Variants in AGBL1 observed in about 807,000 individuals in gnomAD.
AGBL1 encodes AGBL carboxypeptidase 1.
In AGBL1, 130 loss-of-function variants were observed where a neutral mutation model predicts 118.9. That is an observed-to-expected ratio of 1.09 (90% CI 0.95 to 1.26). The LOEUF is 1.26. Among genes scored for constraint, AGBL1 ranks in the 50% most tolerant of loss-of-function variants. The pLI, the probability that AGBL1 is intolerant of heterozygous loss-of-function variation, is 0.00. For synonymous variants in AGBL1, 555 were observed against 478.9 expected (o/e 1.16, Z -2.08); for missense variants, 1,584 against 1,298.1 (o/e 1.22, Z -3.38).
At chr15:86,380,912 G>T (rs2081105521) in intron 17 of AGBL1, among the ~76,000 whole-genome samples, 1 of 151,072 alleles carries the variant, frequency 6.6e-6, no homozygotes, top group Non-Finnish European at 1.5e-5. Flanking sequence ...ACTCTTTGTT[G>T]TTCTAATCCA....
At chr15:86,937,239 T>C (rs1448031526) in intron 23 of AGBL1, among the ~76,000 whole-genome samples, 2 of 152,238 alleles carry the variant, frequency 1.3e-5, no homozygotes, top group Non-Finnish European at 2.9e-5. Context: ...TGGAAAGCAG[T>C]ATGGTGATTC....
At chr15:86,382,732 A>G (rs1216687491) in intron 17 of AGBL1, among the ~76,000 whole-genome samples, 3 of 151,098 alleles carry the variant, frequency 2.0e-5, no homozygotes, top group East Asian at 1.9e-4. Context: ...CCCTCCTTCC[A>G]TTTCCTACCA....
At chr15:86,899,027 T>C (rs1315716243) in intron 22 of AGBL1, among the ~76,000 whole-genome samples, 1 of 152,128 alleles carries the variant, frequency 6.6e-6, no homozygotes, top group African/African-American at 2.4e-5. Flanking sequence ...ACCCAGCAAT[T>C]CCATTCCTGG....
chr15:86,672,720 G>A (rs1005301928), intron 21 of AGBL1, among the ~76,000 whole-genome samples: 3 of 145,152 alleles, frequency 2.1e-5, no homozygotes, highest in Non-Finnish European at 4.6e-5. Flanking sequence ...TCTTTAGAAA[G>A]TGATCTTTTC....
chr15:86,867,236 C>A (rs985557836), intron 22 of AGBL1, among the ~76,000 whole-genome samples: 5 of 152,048 alleles, frequency 3.3e-5, no homozygotes, highest in African/African-American at 1.2e-4. Flanking sequence ...TTTACTCAGC[C>A]CTCATTTTTT....
chr15:87,029,321 A>G (rs1361106746), downstream of AGBL1, among the ~76,000 whole-genome samples: 2 of 151,894 alleles, frequency 1.3e-5, no homozygotes, highest in East Asian at 3.9e-4. Flanking sequence ...TCCAGGGATC[A>G]CTTTCTGGAA....
At chr15:86,565,285 A>G (rs1005129584) in intron 21 of AGBL1, among the ~76,000 whole-genome samples, 1 of 152,096 alleles carries the variant, frequency 6.6e-6, no homozygotes, top group African/African-American at 2.4e-5. Flanking sequence ...GTCTTTGATG[A>G]TGGTGACGTA....
chr15:86,984,618 C>G (rs1371241586), intron 23 of AGBL1, among the ~76,000 whole-genome samples: 1 of 152,114 alleles, frequency 6.6e-6, no homozygotes. Context: ...CCCGCCTCAG[C>G]CTCCCAAAGT....
intron 21 of AGBL1, among the ~76,000 whole-genome samples, chr15:86,589,764 A>G (rs114473531): frequency 0.01 from 1,523 of 151,720 alleles, 35 homozygotes; most frequent in African/African-American, 0.035. Flanking sequence ...CATCCTATCT[A>G]TTAGTCTACT....
At chr15:86,752,119 G>T (rs983110526) in intron 22 of AGBL1, among the ~76,000 whole-genome samples, 4 of 152,032 alleles carry the variant, frequency 2.6e-5, no homozygotes, top group African/African-American at 4.8e-5. Flanking sequence ...AGGAGTTAAT[G>T]TACCACAGGT....
chr15:86,141,627 G>A (rs989439398), intron 1 of AGBL1, among the ~76,000 whole-genome samples: 1 of 152,060 alleles, frequency 6.6e-6, no homozygotes, highest in Non-Finnish European at 1.5e-5. Context: ...CCCCCGCCTG[G>A]GCAACAGAGC....
intron 1 of AGBL1, among the ~76,000 whole-genome samples, chr15:86,082,591 C>G (rs930340431): frequency 6.6e-6 from 1 of 152,238 alleles, no homozygotes; most frequent in South Asian, 2.1e-4. Context: ...TTAAGCATAT[C>G]ACCATTTCTG....
At chr15:86,741,003 G>A (rs907391306) in intron 22 of AGBL1, among the ~76,000 whole-genome samples, 3 of 151,974 alleles carry the variant, frequency 2.0e-5, no homozygotes, top group African/African-American at 7.3e-5. Flanking sequence ...ATGGAAGAAC[G>A]ACTGCTTACT....
chr15:86,564,397 T>G (rs2142294224), intron 21 of AGBL1, among the ~76,000 whole-genome samples: 1 of 152,306 alleles, frequency 6.6e-6, no homozygotes, highest in East Asian at 1.9e-4. Flanking sequence ...TGAAGCTTAG[T>G]TTGGCTGGAT....
chr15:86,594,869 A>G (rs2084384866), intron 21 of AGBL1, among the ~76,000 whole-genome samples: 1 of 152,178 alleles, frequency 6.6e-6, no homozygotes, highest in African/African-American at 2.4e-5. Flanking sequence ...CACTCTATTG[A>G]GGCCTTTATG....
At position 86,674,259 on chromosome 15, in the gene AGBL1, T is replaced by C; in HGVS notation, c.2995-14T>C. ...TTATACGTTGCCACAGTTAATGCTT[T>C]GTTTAACTGGCAGGGTCTACAGTTT... is the stretch of plus-strand genomic sequence containing the variant. On this transcript the variant is annotated splice_polypyrimidine_tract_variant and intron_variant, in intron 21 of 22. Transcript: ENST00000614907. The C allele has an allele frequency of 6.9e-6, 11 of 1,602,348 alleles. No individual in the cohort carries two copies. Among genetic ancestry groups the C allele is most frequent in the Non-Finnish European group, 9.4e-6 (11 of 1,172,446 alleles).
chr15:86,233,579 C>T (rs2078491069), intron 6 of AGBL1, among the ~76,000 whole-genome samples: 1 of 152,252 alleles, frequency 6.6e-6, no homozygotes, highest in Non-Finnish European at 1.5e-5. Context: ...TTGAAAACCT[C>T]TGAAGTAAAT....
intron 22 of AGBL1, among the ~76,000 whole-genome samples, chr15:86,736,546 A>T (rs947563285): frequency 3.3e-5 from 5 of 152,194 alleles, no homozygotes; most frequent in Non-Finnish European, 5.9e-5. Context: ...AGCTTGCCCA[A>T]GGCCACCAAG....
chr15:86,218,579 C>G (rs1388616275), intron 5 of AGBL1, among the ~76,000 whole-genome samples: 3 of 152,158 alleles, frequency 2.0e-5, no homozygotes, highest in Non-Finnish European at 2.9e-5. Context: ...CATCCCTGGT[C>G]ACCCCTGTGA....
Sources: allele counts gnomAD v4.1 joint callset (sites outside exome capture counted in the v4.1 genomes callset), GRCh38; gene constraint gnomAD v4.1.1; transcripts MANE v1.5; gene names NCBI Gene and HGNC (gene_info 2026-07-23, HGNC 2026-07-21).